The following TPRN variants were observed in gnomAD, a reference collection of about 807,000 sequenced individuals.
TPRN encodes the protein chromosome 9 open reading frame 75.
Under a neutral mutation model 42.6 loss-of-function variants are expected in TPRN, and 32 were observed. That is an observed-to-expected ratio of 0.75 (90% CI 0.57 to 1.01). The LOEUF (loss-of-function observed/expected upper bound fraction) is 1.01. Among genes scored for constraint, TPRN ranks in the 50% least tolerant of loss-of-function variants. The pLI is 0.00. For missense variants in TPRN, 1,095 were observed against 957.5 expected (o/e 1.14, Z -1.90); for synonymous variants, 541 against 445.6 (o/e 1.21, Z -2.70).
At chr9:137,192,925 G>A (rs899832497) in intron 1 of TPRN, 17 of 577,490 alleles carry the variant, frequency 2.9e-5, no homozygotes, top group East Asian at 5.8e-5. Context: ...GGGACCAAAC[G>A]CTGACCAGGA....
rs1284971274 is a variant in TPRN, at chr9:137,200,142, C to A, written c.570G>T (p.Gly190=). The stretch of plus-strand genomic sequence containing the variant: ...TCTGGAGGAAGTCGCTGCGCCGGGC[C>A]CCGGGGCTCGCCCCGCCACCGCGGG... ...PGPRGGGASP[G]ARRSDFLQKT... Residue 190 remains glycine (G), a synonymous_variant, in exon 1 of 4, where the codon GGG becomes GGT. Transcript: ENST00000409012. This position sits in a 1 kb window ranked among gnomAD's most constrained non-coding sequence, Gnocchi z 4.3. 8.2e-7 allele frequency: 1 copy of A among 1,223,126 alleles called. No homozygotes were observed. The allele number at this position is 1,223,126 out of a possible 1,614,324, so 75.8% of individuals were successfully genotyped here. A position where few individuals can be genotyped will look rare whatever the true frequency, so the allele number is the denominator to read the frequency against.
Position 137,192,109 on chromosome 9 carries a change from G to T in TPRN, c.*3C>A. 6.2e-7 allele frequency: 1 copy of T among 1,612,762 alleles called. No homozygotes were observed. ...CTCAGCCTTGGTCCTGGCAGTGCTG[G>T]GCTCAGAAATACAGGGCTGGCTCGC... is the stretch of plus-strand genomic sequence containing the variant. On this transcript the variant is annotated 3_prime_UTR_variant, in exon 4 of 4. Transcript: ENST00000409012.
In TPRN at chr9:137,199,442, G is replaced by A. The variant is rs1834760211; in HGVS notation, c.1270C>T (p.Pro424Ser). 1 of 1,609,756 alleles carries A rather than the reference G, an allele frequency of 6.2e-7. No homozygotes were observed. The highest frequency in any genetic ancestry group is 8.5e-7 in the Non-Finnish European group (1 of 1,178,698). The change falls in exon 1 of 4, where the codon CCG (proline) becomes TCG (serine). Residue 424 changes from proline to serine, a missense_variant. By Grantham distance (74) the Pro-to-Ser change is moderately conservative (BLOSUM62 -1). Coordinates refer to ENST00000409012, the MANE Select transcript of TPRN (RefSeq NM_001128228.3). ...GGCTCAGCTTCTTCCGAAGCAGCCG[G>A]CAGGAAGGGGGGCGGTGAGGACGGC... ...QRPSSPPPFL[P>S]AASEEAEPAE...
In TPRN at chr9:137,192,558, T is replaced by C; in HGVS notation, c.1859A>G (p.Glu620Gly). ...EEEEEEEEEE[E>G]EGSGSEEKPF... ...CTTCTCCTCTGAGCCGGATCCCTCT[T>C]CCTCCTCTTCCTCTTCCTCCTCCTC... Residue 620 changes from glutamate (E) to glycine (G), a missense_variant, in exon 2 of 4, where the codon GAA becomes GGA. Glu to Gly is a moderately conservative substitution (Grantham distance 98). Transcript: ENST00000409012. 6.2e-7 allele frequency: 1 copy of C among 1,611,028 alleles called. No individual in the cohort carries two copies. The highest frequency in any genetic ancestry group is 8.5e-7 in the Non-Finnish European group (1 of 1,178,772).
intron 1 of TPRN, 132 bp from the exon 2 acceptor site, chr9:137,192,823 G>T: frequency 3.1e-6 from 3 of 964,682 alleles, no homozygotes; most frequent in African/African-American, 1.6e-5. Flanking sequence ...CGTTCCGGGG[G>T]CTCCAGGAGG....
At chr9:137,198,922 C>T in intron 1 of TPRN, 65 bp downstream of exon 1, 2 of 1,607,782 alleles carry the variant, frequency 1.2e-6, no homozygotes, top group Non-Finnish European at 1.7e-6. Context: ...GCAGGTGCTG[C>T]CCCCACAGTT....
chr9:137,192,489 A>G lies in TPRN; in HGVS notation c.1928T>C (p.Val643Ala), dbSNP rs749738170. The G allele has an allele frequency of 6.2e-7, 1 of 1,605,992 alleles. No individual in the cohort carries two copies. Among genetic ancestry groups the G allele is most frequent in the South Asian group, 1.1e-5 (1 of 90,166 alleles). Residue 643 changes from valine to alanine, a missense_variant, in exon 2 of 4, where the codon GTG becomes GCG. Transcript: ENST00000409012. ...FLPRATFVSS[V>A]RPESSRLPEG... ...TGGCAGCCGAGAGCTCTCGGGTCTC[A>G]CGCTGCTCACAAACGTGGCCCGGGG... is the stretch of plus-strand genomic sequence containing the variant.
chr9:137,198,455 C>T (rs1056127111), intron 1 of TPRN, among the ~76,000 whole-genome samples: 1 of 152,226 alleles, frequency 6.6e-6, no homozygotes, highest in Admixed American at 6.5e-5. Context: ...TTCTGGGGAG[C>T]TGATGGCCCT....
rs538926294 is a variant in TPRN, at chr9:137,193,225, A to G, written c.1726-534T>C. On this transcript the variant is annotated intron_variant, in intron 1 of 3. Coordinates refer to ENST00000409012, the MANE Select transcript of TPRN (RefSeq NM_001128228.3). The stretch of plus-strand genomic sequence containing the variant: ...ACTGGATGCCTGGACAATCCAGCAG[A>G]GCATGGACCCCCCACTGTGAACAGG... The G allele has an allele frequency of 1.8e-5, 3 of 165,882 alleles. No homozygotes were observed. The East Asian group carries it at 5.2e-4, about 29-fold the overall frequency. The allele number at this position is 165,882 out of a possible 1,614,324, so 10.3% of individuals were successfully genotyped here.
At chr9:137,196,448 A>T (rs899387134) in intron 1 of TPRN, among the ~76,000 whole-genome samples, 1 of 152,156 alleles carries the variant, frequency 6.6e-6, no homozygotes, top group Non-Finnish European at 1.5e-5. Flanking sequence ...TTAGCTGGGC[A>T]TGGTGGCAGG....
chr9:137,192,697 A>C lies in TPRN; in HGVS notation c.1726-6T>G. The stretch of plus-strand genomic sequence containing the variant: ...TCGTTGAAGGAGATCTTCATCTGGG[A>C]GTGAGAGTCACGTGAACGAGGGCTG... On this transcript the variant is annotated splice_polypyrimidine_tract_variant and splice_region_variant and intron_variant, in intron 1 of 3. Transcript: ENST00000409012. 6.2e-7 allele frequency: 1 copy of C among 1,613,418 alleles called. No homozygotes were observed.
At chr9:137,195,400 C>T (rs1040666821) in intron 1 of TPRN, among the ~76,000 whole-genome samples, 3 of 152,192 alleles carry the variant, frequency 2.0e-5, no homozygotes, top group East Asian at 1.9e-4. Context: ...GAAGAGCTGG[C>T]GGAGAGACGA....
In TPRN at chr9:137,199,704, C is replaced by A; in HGVS notation, c.1008G>T (p.Lys336Asn). ...GAGGAGGAGCCCCGGAGGCCTTGCT[C>A]TTGGGGATGACCATGAAAGAATTTC... ...NSRNSFMVIP[K>N]SKASGAPPPE... Residue 336 changes from lysine to asparagine, a missense_variant, in exon 1 of 4, where the codon AAG (lysine) becomes AAT (asparagine). Coordinates refer to ENST00000409012, the MANE Select transcript of TPRN (RefSeq NM_001128228.3). The A allele has an allele frequency of 1.2e-6, 2 of 1,610,796 alleles. No homozygotes were observed. The highest frequency in any genetic ancestry group is 8.5e-7 in the Non-Finnish European group (1 of 1,179,216).
chr9:137,192,273 G>C lies in TPRN; in HGVS notation c.2059C>G (p.Pro687Ala). ...CCGCATCTCACCATGGCCTCCACGG[G>C]CGGGGGCTCTGCCTCCCTCGGGGCC... ...EQAPREAEPP[P>A]VEAMLTPASQ... Residue 687 changes from proline to alanine, a missense_variant, in exon 3 of 4, where the codon CCC becomes GCC. Coordinates refer to ENST00000409012, the MANE Select transcript of TPRN (RefSeq NM_001128228.3). The C allele has an allele frequency of 6.2e-7, 1 of 1,613,068 alleles. No homozygotes were observed. The highest frequency in any genetic ancestry group is 1.1e-5 in the South Asian group (1 of 91,082).
rs554201690 is a variant in TPRN at position 137,198,925 on chromosome 9, C to T, written c.1725+62G>A. On this transcript the variant is annotated intron_variant, in intron 1 of 3. Transcript: ENST00000409012. ...CCTGGGATCAGGGCAGGTGCTGCCC[C>T]CACAGTTCTGTGAGCTGTCACTCTC... 4.3e-5 allele frequency: 69 copies of T among 1,608,754 alleles called. 1 individual carries two copies. The African/African-American group carries it at 7.2e-4, about 17-fold the overall frequency.
intron 1 of TPRN, 85 bp downstream of exon 1, chr9:137,198,902 T>G: frequency 6.2e-7 from 1 of 1,601,004 alleles, no homozygotes; most frequent in Non-Finnish European, 8.5e-7. Context: ...CCAAGCGTCC[T>G]GGGATCAGGG....
Position 137,191,687 on chromosome 9 carries a change from T to C in TPRN, c.*425A>G, listed in dbSNP as rs1227755721. On this transcript the variant is annotated 3_prime_UTR_variant, in exon 4 of 4. Coordinates refer to ENST00000409012, the MANE Select transcript of TPRN (RefSeq NM_001128228.3). ...AAGACGCCACTCATCACAGAGGGCA[T>C]GTGGGCTGCGGGCAGGGGCTTAGGG... The C allele has an allele frequency of 1.5e-5, 5 of 340,198 alleles. No homozygotes were observed. The highest frequency in any genetic ancestry group is 2.9e-5 in the Non-Finnish European group (5 of 172,770). 21.1% of individuals were successfully genotyped at this position (340,198 alleles called of 1,614,324 possible).
At position 137,198,970 on chromosome 9, in the gene TPRN, C is replaced by G. The variant is rs768524360; in HGVS notation, c.1725+17G>C. 7 of 1,612,414 alleles carry G rather than the reference C, an allele frequency of 4.3e-6. No homozygotes were observed. The highest frequency in any genetic ancestry group is 5.9e-6 in the Non-Finnish European group (7 of 1,179,910). On this transcript the variant is annotated intron_variant, in intron 1 of 3. Coordinates refer to ENST00000409012, the MANE Select transcript of TPRN (RefSeq NM_001128228.3). The stretch of plus-strand genomic sequence containing the variant: ...ACTCTCTCCCTGCCAGCCAGTGGCC[C>G]TGCCCCCACCACTGACCTTCTTTCT...
In TPRN at chr9:137,192,378, G is replaced by A. The variant is rs906598740; in HGVS notation, c.1967-13C>T. ...TAGCTGGACAGGCCTGTGAATGGAG[G>A]TGCACATGCAGACGTGGACACAGAC... is the stretch of plus-strand genomic sequence containing the variant. On this transcript the variant is annotated splice_polypyrimidine_tract_variant and intron_variant, in intron 2 of 3. Transcript: ENST00000409012. 1 of 1,612,918 alleles carries A rather than the reference G, an allele frequency of 6.2e-7. No homozygotes were observed. Among genetic ancestry groups the A allele is most frequent in the Middle Eastern group, 1.7e-4 (1 of 6,060 alleles).
Sources: allele counts gnomAD v4.1 joint callset (sites outside exome capture counted in the v4.1 genomes callset), GRCh38; gene constraint gnomAD v4.1.1; non-coding constraint Gnocchi (gnomAD v3.1); transcripts MANE v1.5; gene names NCBI Gene and HGNC (gene_info 2026-07-23, HGNC 2026-07-21).